TYW1: variants seen among roughly 807,000 people sequenced by gnomAD.
The protein encoded by TYW1 is S-adenosyl-L-methionine-dependent tRNA 4-demethylwyosine synthase TYW1.
TYW1 carries 46 observed loss-of-function variants against 96.2 expected under a neutral mutation model. The observed-to-expected ratio is 0.48, with a 90% CI of 0.38 to 0.61. TYW1 has a LOEUF of 0.61. TYW1 is among the 20% of genes least tolerant of loss of function. TYW1 has a pLI of 0.00. For synonymous variants in TYW1, 274 were observed against 323.0 expected (o/e 0.85, Z 1.63); for missense variants, 684 against 909.6 (o/e 0.75, Z 3.19).
intron 14 of TYW1, among the ~76,000 whole-genome samples, chr7:67,184,049 C>G (rs1360454539): frequency 6.6e-6 from 1 of 152,124 alleles, no homozygotes; most frequent in Non-Finnish European, 1.5e-5. Flanking sequence ...AAACTCCTGG[C>G]CTCAAGCGAC....
intron 13 of TYW1, among the ~76,000 whole-genome samples, chr7:67,144,669 C>T (rs1223948179): frequency 2.6e-5 from 4 of 152,102 alleles, no homozygotes; most frequent in African/African-American, 4.8e-5. Flanking sequence ...CAGGGTTTCG[C>T]CGTGTTGCCC....
At chr7:67,066,839 C>T (rs1379625129) in intron 9 of TYW1, among the ~76,000 whole-genome samples, 2 of 152,180 alleles carry the variant, frequency 1.3e-5, no homozygotes, top group Admixed American at 1.3e-4. Context: ...CAGAGCAAGA[C>T]CCTGTCTCAA....
At chr7:67,177,398 T>C (rs1489773273) in intron 13 of TYW1, among the ~76,000 whole-genome samples, 3 of 151,902 alleles carry the variant, frequency 2.0e-5, no homozygotes, top group South Asian at 2.1e-4. Flanking sequence ...GGAGTTCTTA[T>C]TGATCAGAAG....
intron 15 of TYW1, among the ~76,000 whole-genome samples, chr7:67,196,199 T>C (rs1278178046): frequency 6.6e-6 from 1 of 152,014 alleles, no homozygotes; most frequent in Non-Finnish European, 1.5e-5. Flanking sequence ...AACCATTAAT[T>C]TCTTAATTTT....
chr7:67,128,147 T>C (rs28888140), intron 13 of TYW1, among the ~76,000 whole-genome samples: 36,957 of 152,064 alleles, frequency 0.24, 4,782 homozygotes, highest in African/African-American at 0.32. Flanking sequence ...TTTTCTCTCT[T>C]TCTTTTCCTC....
intron 12 of TYW1, among the ~76,000 whole-genome samples, chr7:67,114,569 G>A (rs1797532481): frequency 6.6e-6 from 1 of 152,288 alleles, no homozygotes; most frequent in Admixed American, 6.5e-5. Context: ...AATATTGTCT[G>A]TTTTTGGGAG....
intron 14 of TYW1, 39 bp downstream of exon 14, chr7:67,183,275 C>T (rs1204937495): frequency 6.4e-7 from 1 of 1,563,220 alleles, no homozygotes; most frequent in South Asian, 1.2e-5. Context: ...GGTGGAGTGA[C>T]AAAGAATCGT....
chr7:67,096,731 C>G (rs578043017), intron 11 of TYW1, among the ~76,000 whole-genome samples: 2 of 152,200 alleles, frequency 1.3e-5, no homozygotes, highest in South Asian at 4.1e-4. Flanking sequence ...TCTCCCTTCT[C>G]CCACCCTCCA....
chr7:67,020,854 C>T (rs998720512), intron 6 of TYW1, among the ~76,000 whole-genome samples: 2 of 152,250 alleles, frequency 1.3e-5, no homozygotes, highest in African/African-American at 4.8e-5. Context: ...ATGGTGAAAC[C>T]CTGTCTCTAT....
chr7:67,207,716 CCTTTTTTTTTTT>C (rs1178018417), intron 15 of TYW1, among the ~76,000 whole-genome samples: 200 of 96,786 alleles, frequency 2.1e-3, no homozygotes, highest in African/African-American at 7.6e-3. Context: ...ATTTTGTTTG[CCTTTTTTTTTTT>C]TTTTTTTTTG....
chr7:67,219,527 C>T (rs573483875), intron 15 of TYW1, among the ~76,000 whole-genome samples: 18 of 152,146 alleles, frequency 1.2e-4, no homozygotes, highest in Admixed American at 2.6e-4. Context: ...GGCTATTCTT[C>T]GTAGGGAGAT....
intron 8 of TYW1, among the ~76,000 whole-genome samples, chr7:67,051,752 T>C (rs1375340722): frequency 6.6e-6 from 1 of 151,346 alleles, no homozygotes; most frequent in East Asian, 1.9e-4. Context: ...TTTTTTCTAA[T>C]TTAAGCTTAC....
chr7:67,064,107 A>AT (rs1795787891), intron 9 of TYW1, among the ~76,000 whole-genome samples: 1 of 152,216 alleles, frequency 6.6e-6, no homozygotes, highest in Admixed American at 6.5e-5. Flanking sequence ...AACTCAGTAT[A>AT]ATAAACTGTC....
At chr7:67,067,046 C>G in intron 9 of TYW1, 1 of 516,740 alleles carries the variant, frequency 1.9e-6, no homozygotes, top group Non-Finnish European at 3.5e-6. Context: ...ATTAGTGGTT[C>G]TCCCTGTAGA....
chr7:67,021,551 A>G (rs1254819176), intron 6 of TYW1, among the ~76,000 whole-genome samples: 4 of 152,392 alleles, frequency 2.6e-5, no homozygotes, highest in East Asian at 3.9e-4. Context: ...AGCCCACTGC[A>G]TGGCTCCTTT....
chr7:67,169,330 A>T (rs1313792931), intron 13 of TYW1, among the ~76,000 whole-genome samples: 2 of 152,198 alleles, frequency 1.3e-5, no homozygotes, highest in African/African-American at 2.4e-5. Flanking sequence ...CAGAACTTCC[A>T]ATAGTGTCTG....
intron 13 of TYW1, among the ~76,000 whole-genome samples, chr7:67,152,573 T>C (rs1880278): frequency 0.26 from 39,423 of 152,082 alleles, 5,596 homozygotes; most frequent in African/African-American, 0.38. Context: ...CTCAACGTGC[T>C]GCTTACACAT....
At chr7:67,152,520 G>A (rs1273686482) in intron 13 of TYW1, among the ~76,000 whole-genome samples, 3 of 151,806 alleles carry the variant, frequency 2.0e-5, no homozygotes, top group East Asian at 1.9e-4. Flanking sequence ...CCCTCACCCC[G>A]CCACCCTGTT....
intron 10 of TYW1, among the ~76,000 whole-genome samples, chr7:67,076,989 G>T (rs1277879960): frequency 1.3e-5 from 2 of 151,102 alleles, no homozygotes; most frequent in Non-Finnish European, 2.9e-5. Flanking sequence ...GGCCAGGCTG[G>T]CTTCAAACTC....
Sources: gnomAD v4.1 joint callset for allele counts (sites outside exome capture counted in the v4.1 genomes callset) on GRCh38, gnomAD v4.1.1 for gene constraint, MANE v1.5 for transcripts, NCBI Gene and HGNC (gene_info 2026-07-23, HGNC 2026-07-21) for gene names.